UNC13C: variants seen among roughly 807,000 people sequenced by gnomAD.
UNC13C encodes protein unc-13 homolog C.
UNC13C carries 174 observed loss-of-function variants against 245.4 expected under a neutral mutation model. That is an observed-to-expected ratio of 0.71 (90% CI 0.63 to 0.80). The LOEUF (loss-of-function observed/expected upper bound fraction) is 0.80. Ranked by LOEUF, UNC13C falls within the 30% of genes least tolerant of loss-of-function variation. UNC13C has a pLI of 0.00. For synonymous variants in UNC13C, 992 were observed against 895.1 expected (o/e 1.11, Z -1.93); for missense variants, 2,829 against 2,602.9 (o/e 1.09, Z -1.89).
At chr15:53,947,295 T>A in the UNC13C span, among the ~76,000 whole-genome samples, 1 of 152,214 alleles carries the variant, frequency 6.6e-6, no homozygotes, top group African/African-American at 2.4e-5. Context: ...TGTGTCTTTT[T>A]TTCACAACAT....
At chr15:53,879,912 C>T in the UNC13C span, among the ~76,000 whole-genome samples, 2 of 151,562 alleles carry the variant, frequency 1.3e-5, no homozygotes, top group Admixed American at 1.3e-4. Flanking sequence ...ATAAGACATA[C>T]GGTATAGTGG....
chr15:54,405,366 T>G (rs1192647097), intron 18 of UNC13C, among the ~76,000 whole-genome samples: 2 of 152,180 alleles, frequency 1.3e-5, no homozygotes, highest in Non-Finnish European at 2.9e-5. Context: ...GACAAAAATG[T>G]GTTAAATTTT....
intron 27 of UNC13C, among the ~76,000 whole-genome samples, chr15:54,548,062 G>A (rs1044703763): frequency 1.3e-5 from 2 of 152,046 alleles, no homozygotes; most frequent in African/African-American, 4.8e-5. Flanking sequence ...GTACATCATG[G>A]GTTCCCTCTC....
chr15:53,966,409 A>G, the UNC13C span, among the ~76,000 whole-genome samples: 1 of 152,124 alleles, frequency 6.6e-6, no homozygotes, highest in Non-Finnish European at 1.5e-5. Context: ...AGCCCTTTTT[A>G]TAGTCTATTC....
intron 19 of UNC13C, among the ~76,000 whole-genome samples, chr15:54,479,632 C>T (rs895096855): frequency 6.6e-6 from 1 of 151,900 alleles, no homozygotes; most frequent in African/African-American, 2.4e-5. Flanking sequence ...CTGATTGTTT[C>T]ATATATCCGT....
intron 4 of UNC13C, among the ~76,000 whole-genome samples, chr15:54,199,420 G>A (rs1351412185): frequency 6.6e-6 from 1 of 152,056 alleles, no homozygotes; most frequent in African/African-American, 2.4e-5. Context: ...ACAAAGGAAA[G>A]AATCTTAAGA....
chr15:54,319,585 A>T (rs1360819459), intron 13 of UNC13C, among the ~76,000 whole-genome samples: 1 of 151,944 alleles, frequency 6.6e-6, no homozygotes, highest in Admixed American at 6.6e-5. Flanking sequence ...TTTGTTAATC[A>T]GTATTATGAC....
intron 27 of UNC13C, among the ~76,000 whole-genome samples, chr15:54,548,156 T>TCTCAGCCCACTTTTGAAC (rs1249187834): frequency 7.9e-5 from 12 of 151,672 alleles, no homozygotes; most frequent in Admixed American, 7.9e-4. Context: ...GTGAGCATTG[T>TCTCAGCCCACTTTTGAAC]CTCAGCCCAC....
intron 4 of UNC13C, among the ~76,000 whole-genome samples, chr15:54,215,890 C>T (rs1464819291): frequency 6.6e-6 from 1 of 151,946 alleles, no homozygotes; most frequent in Non-Finnish European, 1.5e-5. Flanking sequence ...ATGTCCGTTT[C>T]ATGGCTAAAT....
chr15:53,884,686 T>C, the UNC13C span, among the ~76,000 whole-genome samples: 4 of 152,164 alleles, frequency 2.6e-5, no homozygotes, highest in Admixed American at 2.6e-4. Flanking sequence ...GCTCTTTGAA[T>C]ATATTGAGTG....
In UNC13C at chr15:54,627,140, A is replaced by T; in HGVS notation, c.*27A>T. 6.3e-7 allele frequency: 1 copy of T among 1,578,674 alleles called. No individual in the cohort carries two copies. The highest frequency in any genetic ancestry group is 8.6e-7 in the Non-Finnish European group (1 of 1,162,500). On this transcript the variant is annotated 3_prime_UTR_variant, in exon 33 of 33. Transcript: ENST00000260323. ...ACAAACACTGCAAGCTAAATACATA[A>T]CTATAATTGTTTGACTACTGCATGC...
chr15:54,438,603 G>A (rs1192662518), intron 19 of UNC13C, among the ~76,000 whole-genome samples: 1 of 151,856 alleles, frequency 6.6e-6, no homozygotes, highest in East Asian at 1.9e-4. Flanking sequence ...TTGCCATCAA[G>A]GCATAATTTC....
intron 19 of UNC13C, among the ~76,000 whole-genome samples, chr15:54,428,914 C>T (rs2040811685): frequency 6.6e-6 from 1 of 151,724 alleles, no homozygotes; most frequent in Non-Finnish European, 1.5e-5. Flanking sequence ...TGAAGGATTT[C>T]TGCCTCTTTC....
At position 54,567,911 on chromosome 15, in the gene UNC13C, T is replaced by C; in HGVS notation, c.6070T>C (p.Leu2024=). The change falls in exon 30 of 33, where the codon TTG becomes CTG. Residue 2024 remains leucine (L), a synonymous_variant. Transcript: ENST00000260323. Reference sequence around the variant, plus strand: ...TCTTTATACCCAAACTACTGATGCCTTGATAAAGAAATTCATAGATACTCA... The same window carrying C: ...TCTTTATACCCAAACTACTGATGCCCTGATAAAGAAATTCATAGATACTCA... The part of the protein sequence containing the change: ...LSLYTQTTDA[L]IKKFIDTQTS... The C allele has an allele frequency of 6.3e-7, 1 of 1,584,618 alleles. No homozygotes were observed. Among genetic ancestry groups the C allele is most frequent in the Non-Finnish European group, 8.6e-7 (1 of 1,163,530 alleles).
Position 54,015,739 on chromosome 15 carries a change from G to A in UNC13C, c.2836G>A (p.Glu946Lys), listed in dbSNP as rs867561604. The A allele has an allele frequency of 6.2e-7, 1 of 1,613,386 alleles. No homozygotes were observed. Among genetic ancestry groups the A allele is most frequent in the East Asian group, 2.2e-5 (1 of 44,852 alleles). Reference protein sequence around the residue: ...EPLNETSAEMEIREDENQNIP... With the variant: ...EPLNETSAEMKIREDENQNIP... ...CTTAAATGAAACATCAGCTGAGATGGAAATAAGAGAAGATGAAAACCAAAA... is the reference window on the plus strand; with the variant it reads ...CTTAAATGAAACATCAGCTGAGATGAAAATAAGAGAAGATGAAAACCAAAA... Residue 946 changes from glutamate (E) to lysine (K), a missense_variant, in exon 2 of 33, where the codon GAA (glutamate) becomes AAA (lysine). Transcript: ENST00000260323.
intron 19 of UNC13C, among the ~76,000 whole-genome samples, chr15:54,484,662 T>G (rs954365179): frequency 2.0e-5 from 3 of 152,150 alleles, no homozygotes; most frequent in African/African-American, 7.2e-5. Flanking sequence ...GCCCATCTCC[T>G]TAGTAAATAA....
At chr15:54,183,479 T>C (rs943677530) in intron 4 of UNC13C, among the ~76,000 whole-genome samples, 12 of 151,850 alleles carry the variant, frequency 7.9e-5, no homozygotes, top group Non-Finnish European at 1.3e-4. Context: ...ATATATATGA[T>C]TTTGATTCCT....
chr15:53,932,672 T>G, the UNC13C span, among the ~76,000 whole-genome samples: 166 of 152,296 alleles, frequency 1.1e-3, no homozygotes, highest in African/African-American at 3.8e-3. Context: ...CTTTTCTTCC[T>G]ATTCCTTTCC....
chr15:54,576,472 C>T (rs770762098), intron 30 of UNC13C, among the ~76,000 whole-genome samples: 10 of 152,146 alleles, frequency 6.6e-5, no homozygotes, highest in Non-Finnish European at 1.2e-4. Context: ...AAATCCCCGC[C>T]GCAAACTTCT....
Sources: gnomAD v4.1 joint callset for allele counts (sites outside exome capture counted in the v4.1 genomes callset) on GRCh38, gnomAD v4.1.1 for gene constraint, MANE v1.5 for transcripts, NCBI Gene and HGNC (gene_info 2026-07-23, HGNC 2026-07-21) for gene names.